ROBO1: variants seen among roughly 807,000 people sequenced by gnomAD.
ROBO1 encodes the protein roundabout homolog 1.
A neutral mutation model predicts 195.9 loss-of-function variants in ROBO1; 149 were observed. That is an observed-to-expected ratio of 0.76 (90% CI 0.67 to 0.87). The LOEUF (loss-of-function observed/expected upper bound fraction) is 0.87. Ranked by LOEUF, ROBO1 falls within the 40% of genes least tolerant of loss-of-function variation. The probability of loss-of-function intolerance (pLI) is 0.00; values close to 1 mark genes in which losing one functional copy is unlikely to be tolerated. For missense variants in ROBO1, 1,933 were observed against 2,068.3 expected, an observed-to-expected ratio of 0.93 and a Z score of 1.27; for synonymous variants, 816 against 733.2, an observed-to-expected ratio of 1.11 and a Z score of -1.82.
chr3:78,691,261 T>C (rs1233824801), intron 8 of ROBO1, among the ~76,000 whole-genome samples: 1 of 152,138 alleles, frequency 6.6e-6, no homozygotes, highest in African/African-American at 2.4e-5. Flanking sequence ...ATGATATTTA[T>C]GATGAAATTT....
chr3:78,837,105 C>G (rs1273104634), intron 4 of ROBO1, among the ~76,000 whole-genome samples: 2 of 152,056 alleles, frequency 1.3e-5, no homozygotes, highest in Non-Finnish European at 2.9e-5. Context: ...ACTTTTAAAT[C>G]AATTAATAAA....
chr3:79,310,388 G>A (rs942654018), intron 2 of ROBO1, among the ~76,000 whole-genome samples: 1 of 152,128 alleles, frequency 6.6e-6, no homozygotes, highest in Non-Finnish European at 1.5e-5. Flanking sequence ...AGCTCCATAT[G>A]ATCAGCCAAA....
chr3:79,128,034 C>T (rs184079689), intron 2 of ROBO1, among the ~76,000 whole-genome samples: 152 of 152,278 alleles, frequency 1.0e-3, no homozygotes, highest in African/African-American at 3.2e-3. Context: ...ATAACAATAA[C>T]ATGAAATAGC....
chr3:78,763,492 C>G (rs2083155694), intron 4 of ROBO1, among the ~76,000 whole-genome samples: 1 of 152,080 alleles, frequency 6.6e-6, no homozygotes, highest in South Asian at 2.1e-4. Flanking sequence ...TATTTTGAAG[C>G]AACTGTAACT....
intron 3 of ROBO1, among the ~76,000 whole-genome samples, chr3:79,066,922 G>A (rs2079012478): frequency 6.6e-6 from 1 of 151,864 alleles, no homozygotes; most frequent in Non-Finnish European, 1.5e-5. Context: ...AGTCAAGCAT[G>A]ATAAAAAACA....
intron 2 of ROBO1, among the ~76,000 whole-genome samples, chr3:79,401,622 A>G (rs1419969934): frequency 2.0e-5 from 3 of 151,834 alleles, no homozygotes; most frequent in Non-Finnish European, 4.4e-5. Context: ...TGAACATCCA[A>G]TATGTATTCG....
intron 2 of ROBO1, among the ~76,000 whole-genome samples, chr3:79,457,139 T>C (rs1262460246): frequency 6.6e-6 from 1 of 152,200 alleles, no homozygotes; most frequent in Non-Finnish European, 1.5e-5. Context: ...CAGTTGATTT[T>C]ACTGATGACA....
At chr3:79,765,832 C>G (rs749139202) in intron 1 of ROBO1, among the ~76,000 whole-genome samples, 1 of 152,144 alleles carries the variant, frequency 6.6e-6, no homozygotes, top group Non-Finnish European at 1.5e-5. Flanking sequence ...CCTGCATCTA[C>G]GCTCCTTCCT....
intron 1 of ROBO1, among the ~76,000 whole-genome samples, chr3:79,639,683 T>G (rs1340453004): frequency 1.3e-5 from 2 of 152,202 alleles, no homozygotes; most frequent in Non-Finnish European, 2.9e-5. Context: ...CCCATTGGAT[T>G]TGATGTTGTC....
At chr3:78,617,515 A>AAC in intron 27 of ROBO1, 120 bp downstream of exon 27, 1 of 1,117,068 alleles carries the variant, frequency 9.0e-7, no homozygotes, top group Non-Finnish European at 1.2e-6. Flanking sequence ...CTAAAAAAAA[A>AAC]AAAAAACTGT....
chr3:79,264,468 G>T (rs1248016220), intron 2 of ROBO1, among the ~76,000 whole-genome samples: 1 of 151,624 alleles, frequency 6.6e-6, no homozygotes, highest in Admixed American at 6.6e-5. Flanking sequence ...GCCTATTCAT[G>T]CATTCAACTA....
At chr3:79,460,503 G>A (rs942406148) in intron 2 of ROBO1, among the ~76,000 whole-genome samples, 1 of 152,110 alleles carries the variant, frequency 6.6e-6, no homozygotes, top group African/African-American at 2.4e-5. Flanking sequence ...TAAACCAGAT[G>A]CCTTTCTATT....
chr3:78,695,487 C>T (rs1255432419), intron 8 of ROBO1, among the ~76,000 whole-genome samples: 6 of 151,606 alleles, frequency 4.0e-5, no homozygotes, highest in South Asian at 2.1e-4. Flanking sequence ...TACCCAGGCG[C>T]GGTGGCACGC....
chr3:79,737,145 C>T (rs1162062055), intron 1 of ROBO1, among the ~76,000 whole-genome samples: 1 of 152,082 alleles, frequency 6.6e-6, no homozygotes. Flanking sequence ...GAGAATACAA[C>T]CCAAAATATA....
At chr3:78,813,168 G>A (rs1240777110) in intron 4 of ROBO1, among the ~76,000 whole-genome samples, 1 of 151,784 alleles carries the variant, frequency 6.6e-6, no homozygotes, top group Non-Finnish European at 1.5e-5. Flanking sequence ...ACACAATTTA[G>A]CCAATATTCA....
intron 4 of ROBO1, among the ~76,000 whole-genome samples, chr3:78,766,526 T>A (rs900327899): frequency 6.6e-6 from 1 of 152,190 alleles, no homozygotes; most frequent in Non-Finnish European, 1.5e-5. Flanking sequence ...GAGGAGACTT[T>A]ACGGTTTTTT....
chr3:78,984,501 A>G (rs2077062257), intron 3 of ROBO1, among the ~76,000 whole-genome samples: 1 of 152,158 alleles, frequency 6.6e-6, no homozygotes, highest in Non-Finnish European at 1.5e-5. Flanking sequence ...TTACACTGGG[A>G]AAATAAAAAT....
chr3:78,777,231 T>C (rs2083532663), intron 4 of ROBO1, among the ~76,000 whole-genome samples: 2 of 152,218 alleles, frequency 1.3e-5, no homozygotes, highest in Admixed American at 6.5e-5. Flanking sequence ...GTACCAATAA[T>C]ATCTGAATGT....
intron 2 of ROBO1, among the ~76,000 whole-genome samples, chr3:79,283,215 C>A (rs1442505790): frequency 6.6e-6 from 1 of 152,140 alleles, no homozygotes; most frequent in South Asian, 2.1e-4. Flanking sequence ...CTGAGTACTA[C>A]CAGCTGGGAG....
Sources: allele counts gnomAD v4.1 joint callset (sites outside exome capture counted in the v4.1 genomes callset), GRCh38; gene constraint gnomAD v4.1.1; transcripts MANE v1.5; gene names NCBI Gene and HGNC (gene_info 2026-07-23, HGNC 2026-07-21).